TBC1D19: variants seen among roughly 807,000 people sequenced by gnomAD.
TBC1D19 encodes TBC1 domain family member 19, also known as TBC1 domain family, member 19.
TBC1D19 carries 60 observed loss-of-function variants against 89.0 expected under a neutral mutation model. The observed-to-expected ratio is 0.67, with a 90% CI of 0.55 to 0.84. The LOEUF (loss-of-function observed/expected upper bound fraction) is 0.84. Ranked by LOEUF, TBC1D19 falls within the 40% of genes least tolerant of loss-of-function variation. The probability of loss-of-function intolerance (pLI) is 0.00; values close to 1 mark genes in which losing one functional copy is unlikely to be tolerated. For synonymous variants in TBC1D19, 189 were observed against 199.7 expected (o/e 0.95, Z 0.45); for missense variants, 500 against 610.8 (o/e 0.82, Z 1.91).
the TBC1D19 span, among the ~76,000 whole-genome samples, chr4:26,820,820 C>T: frequency 6.6e-6 from 1 of 152,160 alleles, no homozygotes; most frequent in Non-Finnish European, 1.5e-5. Flanking sequence ...AGCACCTACT[C>T]CATAAAATAT....
intron 1 of TBC1D19, among the ~76,000 whole-genome samples, chr4:26,588,119 G>A (rs1330711565): frequency 6.7e-5 from 10 of 148,654 alleles, no homozygotes; most frequent in African/African-American, 1.3e-4. Context: ...TCCGCCTCCC[G>A]GGTTCACGCC....
At chr4:26,590,856 C>T (rs866551318) in intron 1 of TBC1D19, among the ~76,000 whole-genome samples, 4 of 80,778 alleles carry the variant, frequency 5.0e-5, no homozygotes, top group African/African-American at 1.4e-4. Flanking sequence ...ATGTTTGTCT[C>T]GCTAGGCTGG....
chr4:26,776,428 G>A, the TBC1D19 span, among the ~76,000 whole-genome samples: 1 of 152,160 alleles, frequency 6.6e-6, no homozygotes, highest in South Asian at 2.1e-4. Context: ...AGAAGAGTTT[G>A]TAAATGTCTG....
chr4:26,725,246 G>A (rs1717236307), intron 15 of TBC1D19, among the ~76,000 whole-genome samples: 1 of 152,012 alleles, frequency 6.6e-6, no homozygotes, highest in Non-Finnish European at 1.5e-5. Context: ...ATATTCCCCT[G>A]GTGGTTGTAA....
At chr4:26,778,480 GAAAGGAA>G in the TBC1D19 span, among the ~76,000 whole-genome samples, 1 of 151,824 alleles carries the variant, frequency 6.6e-6, no homozygotes, top group Non-Finnish European at 1.5e-5. Flanking sequence ...AGGGAAGAAG[GAAAGGAA>G]AAAGGAAAGG....
At chr4:26,650,601 T>C (rs1186840634) in intron 7 of TBC1D19, among the ~76,000 whole-genome samples, 1 of 152,188 alleles carries the variant, frequency 6.6e-6, no homozygotes, top group Non-Finnish European at 1.5e-5. Context: ...TCATTGTAGA[T>C]TCTGGATATT....
chr4:26,756,732 A>C (rs1265195190), downstream of TBC1D19, among the ~76,000 whole-genome samples: 2 of 152,260 alleles, frequency 1.3e-5, no homozygotes, highest in East Asian at 3.8e-4. Context: ...TTTAAGGTCA[A>C]GTGGTAGAAG....
chr4:26,769,651 G>A, the TBC1D19 span, among the ~76,000 whole-genome samples: 7 of 151,304 alleles, frequency 4.6e-5, no homozygotes, highest in South Asian at 6.3e-4. Flanking sequence ...CAAGCAATCC[G>A]CCCACCTCAG....
intron 11 of TBC1D19, among the ~76,000 whole-genome samples, chr4:26,681,182 G>T (rs987432511): frequency 8.5e-5 from 13 of 152,064 alleles, no homozygotes; most frequent in Admixed American, 5.2e-4. Flanking sequence ...CGTGTTGCTG[G>T]TGGGAATTTG....
intron 17 of TBC1D19, among the ~76,000 whole-genome samples, chr4:26,741,213 T>C (rs970036590): frequency 1.3e-5 from 2 of 151,494 alleles, no homozygotes; most frequent in African/African-American, 2.4e-5. Context: ...AAAATTAGCC[T>C]GGCGCGGTGG....
the TBC1D19 span, among the ~76,000 whole-genome samples, chr4:26,815,561 T>C: frequency 6.6e-3 from 1,002 of 152,344 alleles, 13 homozygotes; most frequent in African/African-American, 0.023. Flanking sequence ...CTTACCAGGC[T>C]GGTGCCAAAA....
At chr4:26,690,194 C>T (rs966917874) in intron 13 of TBC1D19, among the ~76,000 whole-genome samples, 1 of 152,088 alleles carries the variant, frequency 6.6e-6, no homozygotes, top group Non-Finnish European at 1.5e-5. Context: ...TTTATCAAGG[C>T]TGAGAGAGGA....
chr4:26,704,845 T>G (rs1715610610), intron 13 of TBC1D19, among the ~76,000 whole-genome samples: 1 of 152,186 alleles, frequency 6.6e-6, no homozygotes, highest in South Asian at 2.1e-4. Flanking sequence ...AGTGTCATAC[T>G]GTTTTCCACA....
chr4:26,717,510 C>T (rs1337792282), intron 13 of TBC1D19, among the ~76,000 whole-genome samples: 1 of 152,008 alleles, frequency 6.6e-6, no homozygotes, highest in Non-Finnish European at 1.5e-5. Context: ...AGTTGCCTTC[C>T]CTCCCACCCT....
intron 11 of TBC1D19, among the ~76,000 whole-genome samples, chr4:26,682,428 A>C (rs1713431124): frequency 6.6e-6 from 1 of 152,224 alleles, no homozygotes; most frequent in South Asian, 2.1e-4. Context: ...CTATGTATTA[A>C]ACATCTTTTG....
chr4:26,635,007 CT>C (rs1743036968), intron 4 of TBC1D19, among the ~76,000 whole-genome samples: 1 of 151,976 alleles, frequency 6.6e-6, no homozygotes, highest in Admixed American at 6.6e-5. Flanking sequence ...GAGTTAATGC[CT>C]TTTTATCAAT....
At chr4:26,727,282 A>C (rs1717379352) in intron 15 of TBC1D19, among the ~76,000 whole-genome samples, 1 of 152,202 alleles carries the variant, frequency 6.6e-6, no homozygotes, top group South Asian at 2.1e-4. Context: ...TATGCACCCT[A>C]CAGTGTTAAT....
chr4:26,699,398 C>G (rs1201509178), intron 13 of TBC1D19, among the ~76,000 whole-genome samples: 7 of 152,022 alleles, frequency 4.6e-5, no homozygotes, highest in East Asian at 1.9e-4. Flanking sequence ...AATAGGAACA[C>G]TTTTACACTG....
rs1431212500 is a variant in TBC1D19 at position 26,627,913 on chromosome 4, G to T, written c.294+7225G>T. Among the ~76,000 whole-genome samples the T allele has an allele frequency of 2.0e-5, 3 of 152,014 alleles. No homozygotes were observed. In the East Asian group the frequency reaches 5.8e-4, roughly 29 times the overall value. On this transcript the variant is annotated intron_variant, in intron 4 of 20. Coordinates refer to ENST00000264866, the MANE Select transcript of TBC1D19 (RefSeq NM_018317.4). ...TAATTAGATCCCATTTGTCAATTTT[G>T]GCTTTTGTTGCCATTGCTTTTGGTG...
Sources: allele counts gnomAD v4.1 joint callset (sites outside exome capture counted in the v4.1 genomes callset), GRCh38; gene constraint gnomAD v4.1.1; transcripts MANE v1.5; gene names NCBI Gene and HGNC (gene_info 2026-07-23, HGNC 2026-07-21).